Variants in LYST observed in about 807,000 individuals in gnomAD.
LYST encodes the protein lysosomal-trafficking regulator.
LYST carries 192 observed loss-of-function variants against 413.6 expected under a neutral mutation model. The observed-to-expected ratio is 0.46, with a 90% CI of 0.41 to 0.52. LYST has a LOEUF of 0.52. Among genes scored for constraint, LYST ranks in the 20% least tolerant of loss-of-function variants. The pLI is 0.00. For synonymous variants in LYST, 1,525 were observed against 1,567.3 expected (o/e 0.97, Z 0.64); for missense variants, 3,815 against 4,499.9 (o/e 0.85, Z 4.35).
At chr1:235,742,643 GA>G (rs1367727145) in intron 30 of LYST, among the ~76,000 whole-genome samples, 1 of 150,570 alleles carries the variant, frequency 6.6e-6, no homozygotes, top group Non-Finnish European at 1.5e-5. Flanking sequence ...CCTAAGCCAT[GA>G]AAAAATTACC....
chr1:235,749,809 T>C (rs1666300361), intron 28 of LYST, among the ~76,000 whole-genome samples: 1 of 152,134 alleles, frequency 6.6e-6, no homozygotes, highest in Non-Finnish European at 1.5e-5. Context: ...TGAAGTTACG[T>C]AGGGCTCTAA....
chr1:235,719,055 G>A (rs1022697242), intron 40 of LYST, among the ~76,000 whole-genome samples: 4 of 152,120 alleles, frequency 2.6e-5, no homozygotes, highest in Middle Eastern at 3.2e-3. Flanking sequence ...TTTCACTCTT[G>A]TTATCCAGGC....
At chr1:235,873,316 T>G (rs949596855) in intron 1 of LYST, among the ~76,000 whole-genome samples, 2 of 152,228 alleles carry the variant, frequency 1.3e-5, no homozygotes, top group African/African-American at 4.8e-5. Context: ...TAGAAAAGAC[T>G]GTACTTGTGG....
intron 46 of LYST, 54 bp downstream of exon 46, chr1:235,697,028 AC>A (rs1661162895): frequency 1.1e-5 from 17 of 1,542,930 alleles, no homozygotes; most frequent in Non-Finnish European, 1.4e-5. Context: ...AGCTAGAAAT[AC>A]TCAAATCTCA....
chr1:235,756,512 G>GA (rs1667064408), intron 24 of LYST, among the ~76,000 whole-genome samples: 1 of 151,990 alleles, frequency 6.6e-6, no homozygotes. Context: ...ACTTACACAT[G>GA]AAATGCGAGC....
At chr1:235,676,483 G>A (rs972154610) in intron 50 of LYST, among the ~76,000 whole-genome samples, 4 of 152,160 alleles carry the variant, frequency 2.6e-5, no homozygotes, top group African/African-American at 9.7e-5. Flanking sequence ...AAGTTGAGCT[G>A]GTATGATAAG....
In LYST at chr1:235,809,052, T is replaced by C. The variant is rs200812713; in HGVS notation, c.1766A>G (p.Lys589Arg). The C allele has an allele frequency of 7.3e-5, 118 of 1,613,996 alleles. No individual in the cohort carries two copies. The highest frequency in any genetic ancestry group is 9.2e-5 in the Non-Finnish European group (108 of 1,179,982). ...NIGICCCMDPKSVIIPLLHAF... is the reference protein window; with the variant it reads ...NIGICCCMDPRSVIIPLLHAF... ...ATGGAGCAAAGGAATGATTACAGAT[T>C]TGGGATCCATACAACAGCATATTCC... is the stretch of plus-strand genomic sequence containing the variant. The change falls in exon 5 of 53, where the codon AAA becomes AGA. Residue 589 changes from lysine (K) to arginine (R), a missense_variant. Around this residue, in one of 4 missense-constraint regions of LYST, gnomAD observed 1,648 missense variants for 1,810.3 expected, o/e 0.91. Transcript: ENST00000389793. This position sits in a 1 kb window ranked among gnomAD's most constrained non-coding sequence, Gnocchi z 4.0.
chr1:235,810,236 C>T lies in LYST; in HGVS notation c.582G>A (p.Ser194=), dbSNP rs763480268. 10 of 1,614,006 alleles carry T rather than the reference C, an allele frequency of 6.2e-6. No homozygotes were observed. Among genetic ancestry groups the T allele is most frequent in the Middle Eastern group, 1.7e-4 (1 of 6,060 alleles). ...CTTTGGGGTGGTCTTGTTTAGGAAA[C>T]GATGTTAAAAAATGATGCAGCAGAT... ...RPHLLHHFLT[S]FPKQDHPKAK... The change falls in exon 5 of 53, where the codon TCG becomes TCA. Residue 194 remains serine (S), a synonymous_variant. Transcript: ENST00000389793.
chr1:235,695,442 T>C (rs573217124), intron 46 of LYST, among the ~76,000 whole-genome samples: 1 of 152,286 alleles, frequency 6.6e-6, no homozygotes, highest in Non-Finnish European at 1.5e-5. Context: ...TCCAAATACA[T>C]TGTGCGAAGA....
At chr1:235,881,223 G>A (rs1681361417) in intron 1 of LYST, among the ~76,000 whole-genome samples, 2 of 152,310 alleles carry the variant, frequency 1.3e-5, no homozygotes, top group South Asian at 4.1e-4. Context: ...TAGACTGCAA[G>A]TGTTATTCAC....
At position 235,751,255 on chromosome 1, in the gene LYST, A is replaced by G. The variant is rs1331741187; in HGVS notation, c.7735T>C (p.Ser2579Pro). ...TGAACTACTGCATGATGGGGAGCAG[A>G]AGGTGACTGGAGTGAATCTGTGAGG... Reference protein sequence around the residue: ...ENLTDSLQSPSAPHHAVVQKR... With the variant: ...ENLTDSLQSPPAPHHAVVQKR... Residue 2579 changes from serine (S) to proline (P), a missense_variant, in exon 28 of 53, where the codon TCT (serine) becomes CCT (proline). Physicochemically the swap from Ser to Pro is moderately conservative, Grantham distance 74. Transcript: ENST00000389793. The G allele has an allele frequency of 1.2e-6, 2 of 1,613,692 alleles. No homozygotes were observed. Among genetic ancestry groups the G allele is most frequent in the African/African-American group, 2.7e-5 (2 of 74,918 alleles).
chr1:235,880,546 T>C (rs1328139313), intron 1 of LYST, among the ~76,000 whole-genome samples: 1 of 152,236 alleles, frequency 6.6e-6, no homozygotes, highest in African/African-American at 2.4e-5. Context: ...TTAGGGTATT[T>C]ATTCTAATGC....
intron 1 of LYST, among the ~76,000 whole-genome samples, chr1:235,847,954 T>C (rs1213366574): frequency 6.6e-6 from 1 of 152,070 alleles, no homozygotes; most frequent in African/African-American, 2.4e-5. Flanking sequence ...ACTTCAATAC[T>C]CCAATGACCA....
chr1:235,746,341 T>C lies in LYST; in HGVS notation c.7967A>G (p.Tyr2656Cys), dbSNP rs1471303511. 1.2e-6 allele frequency: 2 copies of C among 1,613,242 alleles called. No homozygotes were observed. Among genetic ancestry groups the C allele is most frequent in the Non-Finnish European group, 1.7e-6 (2 of 1,179,334 alleles). The change falls in exon 29 of 53, where the codon TAT (tyrosine) becomes TGT (cysteine). Residue 2656 changes from tyrosine (Y) to cysteine (C), a missense_variant. Tyr to Cys is a radical substitution (Grantham distance 194). This residue lies in a region of LYST where 771 missense variants were observed against 837.1 expected (regional missense o/e 0.92). Transcript: ENST00000389793. ...LTVLAVNRII[Y>C]QEFNSDIIDI... ...AACTAATCCTATAGTCTTACCTTGA[T>C]AAATAATCCTGTTGACTGCTAAAAC...
At chr1:235,776,223 G>A (rs1246068003) in intron 17 of LYST, among the ~76,000 whole-genome samples, 3 of 151,930 alleles carry the variant, frequency 2.0e-5, no homozygotes, top group Non-Finnish European at 4.4e-5. Context: ...AGGAAGAGGT[G>A]GAGAAGAAAA....
chr1:235,827,651 T>C, intron 3 of LYST: 1 of 984,936 alleles, frequency 1.0e-6, no homozygotes, highest in Non-Finnish European at 1.2e-6. Context: ...AAATGGCTAT[T>C]TATTTTCACT....
intron 2 of LYST, among the ~76,000 whole-genome samples, chr1:235,833,116 A>G (rs1452223065): frequency 6.6e-6 from 1 of 151,530 alleles, no homozygotes; most frequent in African/African-American, 2.4e-5. Flanking sequence ...TTGCACTAAC[A>G]GAACAACATC....
intron 8 of LYST, among the ~76,000 whole-genome samples, chr1:235,801,666 C>T (rs10926723): frequency 0.037 from 5,635 of 152,166 alleles, 345 homozygotes; most frequent in African/African-American, 0.13. Flanking sequence ...GATCAGAATT[C>T]TTTAAGTTGA....
chr1:235,830,707 A>G (rs1235741322), intron 2 of LYST, among the ~76,000 whole-genome samples: 1 of 152,178 alleles, frequency 6.6e-6, no homozygotes, highest in Non-Finnish European at 1.5e-5. Context: ...TCTTTTTAAG[A>G]GAGAAGACTT....
Sources: allele counts gnomAD v4.1 joint callset (sites outside exome capture counted in the v4.1 genomes callset), GRCh38; gene constraint gnomAD v4.1.1; regional missense constraint gnomAD v4.1.1; non-coding constraint Gnocchi (gnomAD v3.1); transcripts MANE v1.5; gene names NCBI Gene and HGNC (gene_info 2026-07-23, HGNC 2026-07-21).